The following COL5A2 variants were observed in gnomAD, a reference collection of about 807,000 sequenced individuals.
COL5A2 encodes collagen type V alpha 2 chain.
In COL5A2, 23 loss-of-function variants were observed where a neutral mutation model predicts 208.2. That is an observed-to-expected ratio of 0.11 (90% CI 0.08 to 0.16). COL5A2 has a LOEUF of 0.16. Ranked by LOEUF, COL5A2 falls within the 10% of genes least tolerant of loss-of-function variation. The pLI is 1.00. For missense variants in COL5A2, 1,590 were observed against 1,956.4 expected (o/e 0.81, Z 3.53); for synonymous variants, 625 against 628.5 (o/e 0.99, Z 0.08).
chr2:189,266,152 G>A, the COL5A2 span, among the ~76,000 whole-genome samples: 2 of 152,156 alleles, frequency 1.3e-5, no homozygotes, highest in Non-Finnish European at 2.9e-5. Flanking sequence ...AATAGGCTGG[G>A]TGTGGTGGCT....
the COL5A2 span, among the ~76,000 whole-genome samples, chr2:189,408,078 T>C: frequency 2.0e-5 from 3 of 152,132 alleles, no homozygotes; most frequent in Admixed American, 6.5e-5. Flanking sequence ...TGACCTAGAT[T>C]TGTGTGTTTG....
chr2:189,050,868 G>A (rs1253277109), intron 42 of COL5A2, among the ~76,000 whole-genome samples, 192 bp from the exon 43 acceptor site: 1 of 152,078 alleles, frequency 6.6e-6, no homozygotes, highest in Non-Finnish European at 1.5e-5. Context: ...ATTTAAAGGT[G>A]AAAACAGCTC....
chr2:189,204,041 T>G (rs1360894271), intron 1 of COL5A2, among the ~76,000 whole-genome samples: 2 of 151,918 alleles, frequency 1.3e-5, no homozygotes, highest in Non-Finnish European at 2.9e-5. Context: ...GGGACTACAG[T>G]CGCCCGCCAC....
intron 1 of COL5A2, among the ~76,000 whole-genome samples, chr2:189,124,466 T>G (rs928139118): frequency 1.3e-5 from 2 of 152,122 alleles, no homozygotes; most frequent in Non-Finnish European, 2.9e-5. Context: ...GAAATGAAAT[T>G]TTTCCCCAGA....
At chr2:189,436,012 T>C in the COL5A2 span, among the ~76,000 whole-genome samples, 1 of 152,092 alleles carries the variant, frequency 6.6e-6, no homozygotes. Flanking sequence ...AAAGGATGAA[T>C]TCATGTCCTT....
the COL5A2 span, among the ~76,000 whole-genome samples, chr2:189,408,798 C>G: frequency 6.6e-6 from 1 of 152,072 alleles, no homozygotes; most frequent in Admixed American, 6.6e-5. Flanking sequence ...CCACATTATA[C>G]TGAGTTATCC....
At chr2:189,265,503 C>G in the COL5A2 span, among the ~76,000 whole-genome samples, 1 of 152,212 alleles carries the variant, frequency 6.6e-6, no homozygotes, top group South Asian at 2.1e-4. Context: ...TATAAAGACA[C>G]CAGTCAGTGG....
intron 42 of COL5A2, among the ~76,000 whole-genome samples, chr2:189,051,100 T>A (rs1328285368): frequency 6.6e-6 from 1 of 152,116 alleles, no homozygotes; most frequent in Non-Finnish European, 1.5e-5. Context: ...ACAAATAATT[T>A]TTTTGGGTTT....
chr2:189,353,787 T>C, the COL5A2 span, among the ~76,000 whole-genome samples: 1 of 152,330 alleles, frequency 6.6e-6, no homozygotes, highest in South Asian at 2.1e-4. Flanking sequence ...TTTTTCTTTC[T>C]ATTGCCTGAT....
chr2:189,253,263 G>T, the COL5A2 span, among the ~76,000 whole-genome samples: 1 of 152,164 alleles, frequency 6.6e-6, no homozygotes, highest in Non-Finnish European at 1.5e-5. Context: ...ATGTGGTTCT[G>T]GAATCAGACT....
the COL5A2 span, among the ~76,000 whole-genome samples, chr2:189,369,513 G>A: frequency 6.6e-6 from 1 of 151,674 alleles, no homozygotes; most frequent in Non-Finnish European, 1.5e-5. Flanking sequence ...TGATACATTC[G>A]TTTTCATTGA....
At chr2:189,221,168 C>T (rs1424659542) in intron 1 of COL5A2, among the ~76,000 whole-genome samples, 1 of 152,062 alleles carries the variant, frequency 6.6e-6, no homozygotes, top group East Asian at 1.9e-4. Context: ...CAACAGAAAT[C>T]GAAATCAAAA....
At chr2:189,149,077 T>C (rs971352749) in intron 1 of COL5A2, among the ~76,000 whole-genome samples, 2 of 152,080 alleles carry the variant, frequency 1.3e-5, no homozygotes, top group East Asian at 1.9e-4. Flanking sequence ...AAGTCAGAGG[T>C]TGCAGTGAGC....
chr2:189,324,825 C>T, the COL5A2 span, among the ~76,000 whole-genome samples: 1 of 151,994 alleles, frequency 6.6e-6, no homozygotes. Context: ...GGGTATATAC[C>T]CAAAGGAATA....
chr2:189,104,666 A>G (rs10931395), intron 2 of COL5A2, among the ~76,000 whole-genome samples: 20,008 of 151,740 alleles, frequency 0.13, 1,346 homozygotes, highest in Middle Eastern at 0.19. Flanking sequence ...AAAGTATACA[A>G]TTATACACTA....
the COL5A2 span, among the ~76,000 whole-genome samples, chr2:189,321,888 C>T: frequency 5.9e-5 from 9 of 152,330 alleles, no homozygotes; most frequent in Non-Finnish European, 1.2e-4. Context: ...TTCTCAGCAC[C>T]ACATCGCACC....
Position 189,063,206 on chromosome 2 carries a change from C to T in COL5A2, c.1835G>A (p.Gly612Glu). The change falls in exon 27 of 54, where the codon GGG becomes GAG. Residue 612 changes from glycine to glutamate, a missense_variant. By Grantham distance (98) the Gly-to-Glu change is moderately conservative. Coordinates refer to ENST00000374866, the MANE Select transcript of COL5A2 (RefSeq NM_000393.5). ...PGSIGIRGQP[G>E]SMGLPGPKGS... ...TTTGGGGCCTGGAAGGCCCATGCTCCCGGGCTGCCCTCTGATTCCTATGGA... is the reference window on the plus strand; with the variant it reads ...TTTGGGGCCTGGAAGGCCCATGCTCTCGGGCTGCCCTCTGATTCCTATGGA... 1 of 1,614,172 alleles carries T rather than the reference C, an allele frequency of 6.2e-7. No homozygotes were observed. The highest frequency in any genetic ancestry group is 2.2e-5 in the East Asian group (1 of 44,876).
At chr2:189,036,904 G>A (rs1022810359) in intron 51 of COL5A2, 101 bp from the exon 52 acceptor site, 1 of 945,600 alleles carries the variant, frequency 1.1e-6, no homozygotes, top group Non-Finnish European at 1.6e-6. Context: ...TACACTCACT[G>A]ATTAAGGATT....
At chr2:189,311,928 C>T in the COL5A2 span, 2 of 793,124 alleles carry the variant, frequency 2.5e-6, no homozygotes, top group Admixed American at 1.7e-5. Context: ...GCCTTGAGAG[C>T]CTCGATCTCT....
Sources: gnomAD v4.1 joint callset for allele counts (sites outside exome capture counted in the v4.1 genomes callset) on GRCh38, gnomAD v4.1.1 for gene constraint, MANE v1.5 for transcripts, NCBI Gene and HGNC (gene_info 2026-07-23, HGNC 2026-07-21) for gene names.